Variants in SLC24A3 observed in about 807,000 individuals in gnomAD.
SLC24A3 encodes the protein sodium/potassium/calcium exchanger 3.
In SLC24A3, 28 loss-of-function variants were observed where a neutral mutation model predicts 75.8. The ratio of observed to expected loss-of-function variants is 0.37; its 90% CI spans 0.27 to 0.51. The LOEUF (loss-of-function observed/expected upper bound fraction) is 0.51. Among genes scored for constraint, SLC24A3 ranks in the 20% least tolerant of loss-of-function variants. The probability of loss-of-function intolerance (pLI) is 0.94; values close to 1 mark genes in which losing one functional copy is unlikely to be tolerated. For synonymous variants in SLC24A3, 372 were observed against 334.1 expected (o/e 1.11, Z -1.24); for missense variants, 663 against 847.8 (o/e 0.78, Z 2.71).
chr20:19,483,396 C>T (rs1988086608), intron 2 of SLC24A3, among the ~76,000 whole-genome samples: 1 of 152,182 alleles, frequency 6.6e-6, no homozygotes, highest in Admixed American at 6.5e-5. Context: ...TTGACAGCAG[C>T]CAGCCTAGGA....
chr20:19,654,232 G>C, intron 7 of SLC24A3, 96 bp downstream of exon 7: 2 of 1,104,532 alleles, frequency 1.8e-6, no homozygotes, highest in African/African-American at 1.6e-5. Context: ...CGAGGTCACC[G>C]GTGGCGAGTG....
At position 19,685,247 on chromosome 20, in the gene SLC24A3, G is replaced by T. The variant is rs140841773; in HGVS notation, c.1210G>T (p.Val404Leu). The T allele has an allele frequency of 6.2e-7, 1 of 1,614,164 alleles. No individual in the cohort carries two copies. Among genetic ancestry groups the T allele is most frequent in the Admixed American group, 1.7e-5 (1 of 60,028 alleles). Reference sequence around the variant, plus strand: ...GAATGGGACACGGAGGGACGATGTTGTGGCTGAGGCTGGCAACGAAACAGA... The same window carrying T: ...GAATGGGACACGGAGGGACGATGTTTTGGCTGAGGCTGGCAACGAAACAGA... ...GVNGTRRDDV[V>L]AEAGNETENE... The change falls in exon 12 of 17, where the codon GTG (valine) becomes TTG (leucine). Residue 404 changes from valine to leucine, a missense_variant. Transcript: ENST00000328041.
chr20:19,491,049 C>T (rs1208512006), intron 2 of SLC24A3, among the ~76,000 whole-genome samples: 1 of 152,194 alleles, frequency 6.6e-6, no homozygotes, highest in Non-Finnish European at 1.5e-5. Flanking sequence ...TCCTCTTTTC[C>T]CATGCACTAA....
chr20:19,661,828 T>C (rs1476468955), intron 7 of SLC24A3, among the ~76,000 whole-genome samples: 1 of 152,008 alleles, frequency 6.6e-6, no homozygotes, highest in Non-Finnish European at 1.5e-5. Context: ...TGGCTCTTCC[T>C]CCCCTGCTCC....
At chr20:19,383,589 C>T (rs1481775394) in intron 2 of SLC24A3, among the ~76,000 whole-genome samples, 2 of 152,168 alleles carry the variant, frequency 1.3e-5, no homozygotes, top group Admixed American at 1.3e-4. Flanking sequence ...GGGTTGGGGG[C>T]TCAGCCTCTT....
Position 19,585,470 on chromosome 20 carries a change from G to A in SLC24A3, c.538G>A (p.Val180Ile). 6.2e-7 allele frequency: 1 copy of A among 1,614,194 alleles called. No individual in the cohort carries two copies. Reference sequence around the variant, plus strand: ...CTTCATCACCAAAGGCGATGTGGGAGTTGGCACCATCGTGGGCTCAGCGGT... The same window carrying A: ...CTTCATCACCAAAGGCGATGTGGGAATTGGCACCATCGTGGGCTCAGCGGT... ...GVFITKGDVG[V>I]GTIVGSAVFN... is the part of the protein sequence containing the mutation. Residue 180 changes from valine to isoleucine, a missense_variant, in exon 6 of 17, where the codon GTT becomes ATT. Val to Ile is a conservative substitution (Grantham distance 29). Transcript: ENST00000328041.
chr20:19,262,185 C>T lies in SLC24A3; in HGVS notation c.143-18774C>T, dbSNP rs370879087. On this transcript the variant is annotated intron_variant, in intron 1 of 16. Coordinates refer to ENST00000328041, the MANE Select transcript of SLC24A3 (RefSeq NM_020689.4). ...TTGGGAGGCCGAGGCGGGCGGATCACGAGGTCAGGAGATCGAGACCATCCT... is the reference window on the plus strand; with the variant it reads ...TTGGGAGGCCGAGGCGGGCGGATCATGAGGTCAGGAGATCGAGACCATCCT... Among the ~76,000 whole-genome samples the T allele has an allele frequency of 7.2e-4, 109 of 151,918 alleles. 1 individual carries two copies. Among genetic ancestry groups the T allele is most frequent in the African/African-American group, 1.8e-3 (75 of 41,444 alleles).
At chr20:19,219,220 C>T (rs1193815731) in intron 1 of SLC24A3, among the ~76,000 whole-genome samples, 20 of 152,118 alleles carry the variant, frequency 1.3e-4, no homozygotes, top group Non-Finnish European at 2.9e-5. Flanking sequence ...AGGCAATGCT[C>T]CTTGCTGTTG....
chr20:19,243,972 T>C (rs1037024900), intron 1 of SLC24A3: 3 of 152,192 alleles, frequency 2.0e-5, no homozygotes, highest in African/African-American at 7.2e-5. Context: ...GTTCTTACAC[T>C]CGTTACTCAG....
Position 19,392,094 on chromosome 20 carries a change from T to C in SLC24A3, c.271+111007T>C, listed in dbSNP as rs1465594840. 4.8e-4 allele frequency among the ~76,000 whole-genome samples: 73 copies of C among 152,298 alleles called. 1 individual carries two copies. Among genetic ancestry groups the C allele is most frequent in the Non-Finnish European group, 1.0e-4 (7 of 68,020 alleles). ...GGGCACACAGTAGGTATACAATTAA[T>C]GTTTGTTGATTTAAAAAAAGAAAGG... On this transcript the variant is annotated intron_variant, in intron 2 of 16. Transcript: ENST00000328041.
At chr20:19,327,676 C>T (rs1326204030) in intron 2 of SLC24A3, among the ~76,000 whole-genome samples, 1 of 152,238 alleles carries the variant, frequency 6.6e-6, no homozygotes, top group Non-Finnish European at 1.5e-5. Context: ...AGCTTGTCTG[C>T]TCCCAGCCTC....
At chr20:19,360,949 C>T (rs1056469159) in intron 2 of SLC24A3, among the ~76,000 whole-genome samples, 18 of 152,134 alleles carry the variant, frequency 1.2e-4, no homozygotes, top group South Asian at 4.1e-4. Context: ...GCCTCAGCCT[C>T]CCGAGTAGCT....
At chr20:19,346,621 C>T (rs1336454054) in intron 2 of SLC24A3, among the ~76,000 whole-genome samples, 1 of 151,922 alleles carries the variant, frequency 6.6e-6, no homozygotes, top group Non-Finnish European at 1.5e-5. Flanking sequence ...TGTTCTCACT[C>T]ATATGTGGGA....
intron 6 of SLC24A3, among the ~76,000 whole-genome samples, chr20:19,594,641 A>G (rs1361491176): frequency 1.3e-5 from 2 of 152,212 alleles, no homozygotes; most frequent in African/African-American, 4.8e-5. Flanking sequence ...AGGCTTCGAG[A>G]TGTTAAATAC....
chr20:19,679,104 G>A (rs1375532913), intron 9 of SLC24A3, among the ~76,000 whole-genome samples: 6 of 152,198 alleles, frequency 3.9e-5, no homozygotes, highest in Non-Finnish European at 4.4e-5. Context: ...ACAGGGTGGC[G>A]GCCGGGCAGA....
At chr20:19,438,223 C>A (rs1987239722) in intron 2 of SLC24A3, among the ~76,000 whole-genome samples, 1 of 152,170 alleles carries the variant, frequency 6.6e-6, no homozygotes, top group Non-Finnish European at 1.5e-5. Context: ...TTTGAGCACA[C>A]AAAAGTCATC....
At chr20:19,336,421 G>A (rs6112319) in intron 2 of SLC24A3, among the ~76,000 whole-genome samples, 45,967 of 151,254 alleles carry the variant, frequency 0.3, 7,429 homozygotes, top group Middle Eastern at 0.53. Context: ...TTTTGAGACG[G>A]AGTCTCACTC....
At chr20:19,387,020 T>A (rs1568605515) in intron 2 of SLC24A3, among the ~76,000 whole-genome samples, 1 of 152,162 alleles carries the variant, frequency 6.6e-6, no homozygotes, top group Non-Finnish European at 1.5e-5. Flanking sequence ...TTCAATCTCC[T>A]TACTCGTTAT....
chr20:19,316,533 T>A (rs1437254047), intron 2 of SLC24A3, among the ~76,000 whole-genome samples: 1 of 152,138 alleles, frequency 6.6e-6, no homozygotes, highest in Non-Finnish European at 1.5e-5. Context: ...AATAAAAAAA[T>A]CCAATCTTGA....
Sources: allele counts gnomAD v4.1 joint callset (sites outside exome capture counted in the v4.1 genomes callset), GRCh38; gene constraint gnomAD v4.1.1; transcripts MANE v1.5; gene names NCBI Gene and HGNC (gene_info 2026-07-23, HGNC 2026-07-21).